The following CCSER2 variants were observed in gnomAD, a reference collection of about 807,000 sequenced individuals.
CCSER2 encodes the protein coiled-coil serine rich protein 2, also known as serine-rich coiled-coil domain-containing protein 2.
In CCSER2, 46 loss-of-function variants were observed where a neutral mutation model predicts 92.3. The observed-to-expected ratio is 0.50, with a 90% confidence interval of 0.39 to 0.64. The LOEUF (loss-of-function observed/expected upper bound fraction) is 0.64. Among genes scored for constraint, CCSER2 ranks in the 30% least tolerant of loss-of-function variants. The pLI, the probability that CCSER2 is intolerant of heterozygous loss-of-function variation, is 0.00. For missense variants in CCSER2, 1,244 were observed against 1,238.9 expected (o/e 1.00, Z -0.06); for synonymous variants, 433 against 431.4 (o/e 1.00, Z -0.04).
chr10:84,391,982 G>C, intron 3 of CCSER2: 1 of 1,339,804 alleles, frequency 7.5e-7, no homozygotes, highest in Non-Finnish European at 1.1e-6. Flanking sequence ...ATAAAAATTG[G>C]AGGCATTTCT....
chr10:84,462,567 A>G (rs1329109726), intron 6 of CCSER2, among the ~76,000 whole-genome samples: 1 of 152,138 alleles, frequency 6.6e-6, no homozygotes, highest in East Asian at 1.9e-4. Context: ...TTTATTTCTT[A>G]ATTTTTAAAA....
intron 1 of CCSER2, among the ~76,000 whole-genome samples, chr10:84,345,926 A>G (rs555829668): frequency 6.6e-6 from 1 of 152,320 alleles, no homozygotes; most frequent in South Asian, 2.1e-4. Flanking sequence ...TTGCTATTGA[A>G]TTAGAGTAAG....
chr10:84,390,835 G>T, intron 3 of CCSER2: 1 of 534,350 alleles, frequency 1.9e-6, no homozygotes, highest in Non-Finnish European at 3.5e-6. Flanking sequence ...GATGATCTTG[G>T]ACATCTTAAT....
chr10:84,407,746 C>T (rs1842448051), intron 3 of CCSER2, among the ~76,000 whole-genome samples: 1 of 152,198 alleles, frequency 6.6e-6, no homozygotes, highest in Non-Finnish European at 1.5e-5. Context: ...TGGGCATATC[C>T]TGTACCCAGG....
At chr10:84,329,675 T>C (rs1001661002) in intron 1 of CCSER2, among the ~76,000 whole-genome samples, 6 of 152,214 alleles carry the variant, frequency 3.9e-5, no homozygotes, top group Non-Finnish European at 1.5e-5. Context: ...TCTTTTAGAC[T>C]AGAGACTTTA....
At chr10:84,419,241 T>C (rs1044461282) in intron 4 of CCSER2, among the ~76,000 whole-genome samples, 7 of 152,036 alleles carry the variant, frequency 4.6e-5, no homozygotes, top group Non-Finnish European at 1.0e-4. Context: ...AAGTTAGATT[T>C]GGTTAGAGAG....
At chr10:84,424,708 T>G (rs1843337744) in intron 4 of CCSER2, among the ~76,000 whole-genome samples, 1 of 152,202 alleles carries the variant, frequency 6.6e-6, no homozygotes, top group Admixed American at 6.5e-5. Flanking sequence ...TATAGCTTTT[T>G]ATTACAAGGA....
chr10:84,434,529 T>A (rs1025930012), intron 5 of CCSER2, among the ~76,000 whole-genome samples: 1 of 152,212 alleles, frequency 6.6e-6, no homozygotes, highest in Non-Finnish European at 1.5e-5. Flanking sequence ...AACAAATACA[T>A]AGATGCAAAG....
intron 9 of CCSER2, among the ~76,000 whole-genome samples, chr10:84,503,513 AACCT>A (rs1321947907): frequency 6.6e-6 from 1 of 152,202 alleles, no homozygotes; most frequent in Non-Finnish European, 1.5e-5. Flanking sequence ...AGTAATAAAT[AACCT>A]ACCTCAGAGT....
At chr10:84,475,114 A>G (rs1320734874) in intron 8 of CCSER2, among the ~76,000 whole-genome samples, 2 of 152,214 alleles carry the variant, frequency 1.3e-5, no homozygotes, top group African/African-American at 4.8e-5. Flanking sequence ...TTTAAAATCA[A>G]CAAACCCTTT....
chr10:84,340,893 A>G (rs1034718026), intron 1 of CCSER2, among the ~76,000 whole-genome samples: 2 of 152,150 alleles, frequency 1.3e-5, no homozygotes, highest in Non-Finnish European at 2.9e-5. Flanking sequence ...GAGGCTGAAC[A>G]AGAGAAGGTC....
intron 4 of CCSER2, among the ~76,000 whole-genome samples, chr10:84,418,816 C>T (rs967264185): frequency 3.3e-5 from 5 of 152,086 alleles, no homozygotes; most frequent in African/African-American, 9.7e-5. Context: ...TCAAAATAAA[C>T]GTGTATTTTT....
intron 3 of CCSER2, among the ~76,000 whole-genome samples, chr10:84,388,735 C>T (rs1267105055): frequency 6.6e-6 from 1 of 152,174 alleles, no homozygotes. Context: ...CACCTCAGAT[C>T]ATCAGGCATT....
intron 5 of CCSER2, among the ~76,000 whole-genome samples, chr10:84,428,985 G>GTGTATATATATATATATA (rs367824329): frequency 7.1e-6 from 1 of 140,846 alleles, no homozygotes. Context: ...GTGTGTATGT[G>GTGTATATATATATATATA]TATATATATA....
At chr10:84,359,611 A>G (rs1017188301) in intron 1 of CCSER2, among the ~76,000 whole-genome samples, 2 of 152,142 alleles carry the variant, frequency 1.3e-5, no homozygotes, top group African/African-American at 2.4e-5. Context: ...TGCTAATTCA[A>G]GAGTCCTTTG....
intron 1 of CCSER2, among the ~76,000 whole-genome samples, chr10:84,362,662 C>T (rs1845563086): frequency 2.0e-5 from 3 of 152,088 alleles, no homozygotes; most frequent in Non-Finnish European, 2.9e-5. Flanking sequence ...GAAGTTGTAG[C>T]TGGAGCACAG....
intron 9 of CCSER2, among the ~76,000 whole-genome samples, chr10:84,506,986 G>C (rs112183394): frequency 8.7e-4 from 133 of 152,140 alleles, no homozygotes; most frequent in African/African-American, 3.1e-3. Flanking sequence ...TATTTTGTTT[G>C]GTAAGAGTCT....
chr10:84,491,302 T>C (rs952566165), intron 9 of CCSER2, among the ~76,000 whole-genome samples: 3 of 152,246 alleles, frequency 2.0e-5, no homozygotes, highest in Non-Finnish European at 4.4e-5. Context: ...CAGAGGTTTC[T>C]GCTGCCTTTT....
Position 84,328,696 on chromosome 10 carries a change from C to G in CCSER2, c.-152C>G, listed in dbSNP as rs1052596654. 6.6e-6 allele frequency: 1 copy of G among 150,918 alleles called. No homozygotes were observed. The highest frequency in any genetic ancestry group is 1.9e-4 in the East Asian group (1 of 5,146). The allele number at this position is 150,918 out of a possible 1,614,324, so 9.3% of individuals were successfully genotyped here. ...GGTTGCTGCGGCTCGGGCGGCGGGG[C>G]TGGCGGGGATGTGACGGGCGGCCCT... On this transcript the variant is annotated 5_prime_UTR_variant, in exon 1 of 10. Transcript: ENST00000372088.
Sources: gnomAD v4.1 joint callset for allele counts (sites outside exome capture counted in the v4.1 genomes callset) on GRCh38, gnomAD v4.1.1 for gene constraint, MANE v1.5 for transcripts, NCBI Gene and HGNC (gene_info 2026-07-23, HGNC 2026-07-21) for gene names.